Variants in PDZRN4 observed in about 807,000 individuals in gnomAD.
The protein encoded by PDZRN4 is PDZ domain containing ring finger 4.
A neutral mutation model predicts 99.0 loss-of-function variants in PDZRN4; 70 were observed. That is an observed-to-expected ratio of 0.71 (90% CI 0.58 to 0.86). PDZRN4 has a LOEUF of 0.86. PDZRN4 is among the 40% of genes least tolerant of loss of function. The pLI, the probability that PDZRN4 is intolerant of heterozygous loss-of-function variation, is 0.00. For synonymous variants in PDZRN4, 551 were observed against 501.6 expected (o/e 1.10, Z -1.32); for missense variants, 1,474 against 1,331.2 (o/e 1.11, Z -1.67).
intron 3 of PDZRN4, among the ~76,000 whole-genome samples, chr12:41,206,591 G>T (rs1301595890): frequency 6.6e-6 from 1 of 151,216 alleles, no homozygotes; most frequent in Non-Finnish European, 1.5e-5. Flanking sequence ...CCTGCCTTTT[G>T]CTGTGCCTTC....
At chr12:41,514,599 TA>T (rs1319255752) in intron 5 of PDZRN4, among the ~76,000 whole-genome samples, 10 of 151,968 alleles carry the variant, frequency 6.6e-5, no homozygotes, top group African/African-American at 2.4e-4. Flanking sequence ...CTTATCATTG[TA>T]TCACATGGTC....
rs779690575 is a variant in PDZRN4, at chr12:41,217,837, C to G, written c.843+23649C>G. ...GTTTCCCAGTTTGCAGAGTTCCGCT[C>G]TGTGCTCCCAAGACCTTTCTAAATC... On this transcript the variant is annotated intron_variant, in intron 3 of 9. Transcript: ENST00000402685. 4.7e-4 allele frequency among the ~76,000 whole-genome samples: 71 copies of G among 152,164 alleles called. 1 individual carries two copies. The highest frequency in any genetic ancestry group is 2.1e-3 in the South Asian group (10 of 4,822).
intron 3 of PDZRN4, among the ~76,000 whole-genome samples, chr12:41,466,381 A>G (rs1287174960): frequency 6.6e-6 from 1 of 152,226 alleles, no homozygotes; most frequent in African/African-American, 2.4e-5. Flanking sequence ...AGCAGGAGAA[A>G]TTACAGGAGG....
chr12:41,496,489 C>A (rs1251412324), intron 3 of PDZRN4, among the ~76,000 whole-genome samples: 1 of 152,046 alleles, frequency 6.6e-6, no homozygotes, highest in African/African-American at 2.4e-5. Context: ...AGCTAGTCCC[C>A]AAAACTGTGT....
At chr12:41,379,431 T>C (rs550759695) in intron 3 of PDZRN4, among the ~76,000 whole-genome samples, 1 of 151,664 alleles carries the variant, frequency 6.6e-6, no homozygotes, top group South Asian at 2.1e-4. Context: ...TTGTTCTTTT[T>C]CTAGTTTTGT....
intron 3 of PDZRN4, among the ~76,000 whole-genome samples, chr12:41,271,728 G>A (rs921216525): frequency 6.6e-6 from 1 of 152,100 alleles, no homozygotes; most frequent in Non-Finnish European, 1.5e-5. Flanking sequence ...TAAATCAGCG[G>A]TGACAATTCA....
intron 3 of PDZRN4, among the ~76,000 whole-genome samples, chr12:41,238,773 C>T (rs945654462): frequency 6.6e-6 from 1 of 151,704 alleles, no homozygotes; most frequent in Non-Finnish European, 1.5e-5. Context: ...AAATAAAAAA[C>T]TCCGAAGTGC....
intron 3 of PDZRN4, among the ~76,000 whole-genome samples, chr12:41,472,679 T>A (rs915278192): frequency 6.6e-6 from 1 of 152,166 alleles, no homozygotes; most frequent in African/African-American, 2.4e-5. Flanking sequence ...TAGTACCAGG[T>A]GTCACTCTAA....
At chr12:41,315,266 C>A (rs1951630836) in intron 3 of PDZRN4, among the ~76,000 whole-genome samples, 1 of 152,154 alleles carries the variant, frequency 6.6e-6, no homozygotes, top group Non-Finnish European at 1.5e-5. Context: ...ACCTCCTCTG[C>A]TGACCAGTAT....
At chr12:41,225,547 A>AT (rs1164722905) in intron 3 of PDZRN4, among the ~76,000 whole-genome samples, 2 of 152,064 alleles carry the variant, frequency 1.3e-5, no homozygotes, top group Non-Finnish European at 2.9e-5. Context: ...TTTTGTAATA[A>AT]TTTTTTAATT....
intron 3 of PDZRN4, among the ~76,000 whole-genome samples, chr12:41,436,942 A>T (rs1013141912): frequency 2.0e-5 from 3 of 152,210 alleles, no homozygotes; most frequent in Admixed American, 6.5e-5. Context: ...AAATACTATA[A>T]GCATTTGAAA....
At position 41,573,471 on chromosome 12, in the gene PDZRN4, A is replaced by T. The variant is rs1464669924; in HGVS notation, c.2692A>T (p.Thr898Ser). Residue 898 changes from threonine (T) to serine (S), a missense_variant, in exon 10 of 10, where the codon ACA becomes TCA. Coordinates refer to ENST00000402685, the MANE Select transcript of PDZRN4 (RefSeq NM_001164595.2). Reference protein sequence around the residue: ...EWKVKIRSDGTRYITKRPVRD... With the variant: ...EWKVKIRSDGSRYITKRPVRD... Reference sequence around the variant, plus strand: ...GAAGGTGAAAATTAGGAGCGACGGGACACGGTACATCACAAAGAGACCCGT... The same window carrying T: ...GAAGGTGAAAATTAGGAGCGACGGGTCACGGTACATCACAAAGAGACCCGT... 1 of 1,613,996 alleles carries T rather than the reference A, an allele frequency of 6.2e-7. No homozygotes were observed.
chr12:41,539,071 A>G (rs553627132), intron 5 of PDZRN4, among the ~76,000 whole-genome samples: 140 of 152,128 alleles, frequency 9.2e-4, no homozygotes, highest in African/African-American at 3.2e-3. Context: ...TGCACATGCA[A>G]TTATGCCAAT....
chr12:41,528,584 T>C (rs1157842579), intron 5 of PDZRN4, among the ~76,000 whole-genome samples: 1 of 152,188 alleles, frequency 6.6e-6, no homozygotes, highest in Non-Finnish European at 1.5e-5. Context: ...TTTAAAAACA[T>C]GAGATATTAG....
chr12:41,496,041 A>C (rs1198018806), intron 3 of PDZRN4, among the ~76,000 whole-genome samples: 1 of 152,128 alleles, frequency 6.6e-6, no homozygotes, highest in Admixed American at 6.6e-5. Flanking sequence ...CCCAGATTGT[A>C]AGAGCAGGTG....
intron 3 of PDZRN4, among the ~76,000 whole-genome samples, chr12:41,269,312 C>A (rs1475239115): frequency 6.6e-6 from 1 of 152,136 alleles, no homozygotes; most frequent in Non-Finnish European, 1.5e-5. Flanking sequence ...ATAACAAATT[C>A]TCCCTAGAGA....
intron 3 of PDZRN4, among the ~76,000 whole-genome samples, chr12:41,350,905 C>T (rs900798283): frequency 2.0e-5 from 3 of 152,102 alleles, no homozygotes; most frequent in Non-Finnish European, 4.4e-5. Flanking sequence ...ACCTCCCTAC[C>T]TTCATCTGCA....
At chr12:41,404,388 A>G (rs1484762979) in intron 3 of PDZRN4, among the ~76,000 whole-genome samples, 1 of 152,100 alleles carries the variant, frequency 6.6e-6, no homozygotes, top group African/African-American at 2.4e-5. Context: ...GTCAATTCAA[A>G]AACACAATCT....
chr12:41,508,681 G>T (rs983569128), intron 4 of PDZRN4, among the ~76,000 whole-genome samples: 1 of 152,168 alleles, frequency 6.6e-6, no homozygotes, highest in African/African-American at 2.4e-5. Context: ...CACAAGGCAA[G>T]GTGCTGCCTG....
Sources: gnomAD v4.1 joint callset for allele counts (sites outside exome capture counted in the v4.1 genomes callset) on GRCh38, gnomAD v4.1.1 for gene constraint, MANE v1.5 for transcripts, NCBI Gene and HGNC (gene_info 2026-07-23, HGNC 2026-07-21) for gene names.